MAD1L1: variants seen among roughly 807,000 people sequenced by gnomAD.
MAD1L1 encodes mitotic spindle assembly checkpoint protein MAD1.
Under a neutral mutation model 96.9 loss-of-function variants are expected in MAD1L1, and 95 were observed. The observed-to-expected ratio is 0.98, with a 90% CI of 0.83 to 1.16. MAD1L1 has a LOEUF of 1.16. Among genes scored for constraint, MAD1L1 ranks in the 50% most tolerant of loss-of-function variants. The pLI is 0.00. For synonymous variants in MAD1L1, 473 were observed against 396.6 expected, an observed-to-expected ratio of 1.19 and a Z score of -2.29; for missense variants, 1,007 against 954.4, an observed-to-expected ratio of 1.06 and a Z score of -0.73.
intron 11 of MAD1L1, among the ~76,000 whole-genome samples, chr7:2,138,794 G>A (rs964468613): frequency 2.0e-5 from 3 of 152,138 alleles, no homozygotes; most frequent in African/African-American, 4.8e-5. Context: ...AGAAAGGCTC[G>A]GGGGTCAAGT....
At chr7:2,231,600 C>A (rs1330461195) in intron 1 of MAD1L1, among the ~76,000 whole-genome samples, 1 of 151,876 alleles carries the variant, frequency 6.6e-6, no homozygotes, top group African/African-American at 2.4e-5. Flanking sequence ...GAGCAAGACT[C>A]CGTTTCAAAA....
intron 12 of MAD1L1, among the ~76,000 whole-genome samples, chr7:2,048,779 C>T (rs1479520830): frequency 6.6e-6 from 1 of 152,238 alleles, no homozygotes; most frequent in African/African-American, 2.4e-5. Context: ...CACACCCCTC[C>T]AGCTTCAGGT....
chr7:1,897,333 G>A (rs536714296), intron 18 of MAD1L1, among the ~76,000 whole-genome samples: 5 of 152,352 alleles, frequency 3.3e-5, no homozygotes, highest in African/African-American at 1.2e-4. Flanking sequence ...GACCACAGCA[G>A]TCCCAGGTGG....
At position 1,987,460 on chromosome 7, in the gene MAD1L1, A is replaced by C. The variant is rs535845469; in HGVS notation, c.1417-6919T>G. ...GGGTCTAAGTATCCCGGATGAAGCG[A>C]AGAGAGCCGCCCATGCTGAGCACAC... is the stretch of plus-strand genomic sequence containing the variant. On this transcript the variant is annotated intron_variant, in intron 14 of 18. Coordinates refer to ENST00000265854, the MANE Select transcript of MAD1L1 (RefSeq NM_001013836.2). 2.6e-5 allele frequency among the ~76,000 whole-genome samples: 4 copies of C among 152,288 alleles called. No individual in the cohort carries two copies. In the South Asian group the frequency reaches 8.3e-4, roughly 32 times the overall value.
At chr7:1,900,925 G>C (rs145129796) in intron 17 of MAD1L1, among the ~76,000 whole-genome samples, 1 of 152,148 alleles carries the variant, frequency 6.6e-6, no homozygotes, top group African/African-American at 2.4e-5. Context: ...GCAGTGTGTG[G>C]GGCCCCCTCT....
chr7:1,928,258 C>G (rs1286441940), intron 17 of MAD1L1, among the ~76,000 whole-genome samples: 1 of 150,672 alleles, frequency 6.6e-6, no homozygotes, highest in South Asian at 2.1e-4. Context: ...CCCCACCACC[C>G]GCCAGTCCCT....
chr7:1,885,685 G>A (rs1056179234), intron 18 of MAD1L1, among the ~76,000 whole-genome samples: 1 of 152,168 alleles, frequency 6.6e-6, no homozygotes, highest in African/African-American at 2.4e-5. Context: ...ACCCCAAGGT[G>A]CCCACTCACC....
chr7:2,102,503 A>T (rs922090195), intron 11 of MAD1L1, among the ~76,000 whole-genome samples: 6 of 136,144 alleles, frequency 4.4e-5, no homozygotes, highest in African/African-American at 1.7e-4. Flanking sequence ...GTCACCAATA[A>T]CCACCATCAC....
chr7:2,116,752 C>G (rs917834783), intron 11 of MAD1L1, among the ~76,000 whole-genome samples: 1 of 152,206 alleles, frequency 6.6e-6, no homozygotes, highest in South Asian at 2.1e-4. Context: ...GGGAGGAAGG[C>G]GTCTGGATGT....
At chr7:1,979,150 G>A (rs553458682) in intron 15 of MAD1L1, among the ~76,000 whole-genome samples, 5 of 152,216 alleles carry the variant, frequency 3.3e-5, no homozygotes, top group Non-Finnish European at 5.9e-5. Flanking sequence ...GGGTGTGACG[G>A]ACGAAGCAGA....
chr7:2,209,247 C>A (rs1055277634), intron 10 of MAD1L1, among the ~76,000 whole-genome samples: 1 of 152,186 alleles, frequency 6.6e-6, no homozygotes, highest in African/African-American at 2.4e-5. Flanking sequence ...ACATAAGAAG[C>A]CCTACATGGG....
intron 11 of MAD1L1, among the ~76,000 whole-genome samples, chr7:2,115,372 G>A (rs1787619547): frequency 6.6e-6 from 1 of 150,894 alleles, no homozygotes; most frequent in African/African-American, 2.4e-5. Context: ...GTCCCCGCGT[G>A]TTCCGGGGTC....
At chr7:2,148,802 C>T (rs1216760337) in intron 11 of MAD1L1, among the ~76,000 whole-genome samples, 2 of 152,168 alleles carry the variant, frequency 1.3e-5, no homozygotes, top group South Asian at 2.1e-4. Flanking sequence ...TAGTGACCGA[C>T]GGGCTGGTTC....
intron 18 of MAD1L1, among the ~76,000 whole-genome samples, chr7:1,841,725 G>C (rs1468348001): frequency 6.6e-6 from 1 of 152,262 alleles, no homozygotes; most frequent in African/African-American, 2.4e-5. Flanking sequence ...TCGCGGGGCA[G>C]ATGGTCTCGG....
intron 11 of MAD1L1, among the ~76,000 whole-genome samples, chr7:2,108,999 C>A (rs2128554953): frequency 6.6e-6 from 1 of 152,378 alleles, no homozygotes; most frequent in Admixed American, 6.5e-5. Context: ...GGGTTCCAGA[C>A]CCCCACCCGG....
intron 5 of MAD1L1, among the ~76,000 whole-genome samples, chr7:2,220,596 C>G (rs1291333876): frequency 6.6e-6 from 1 of 152,204 alleles, no homozygotes; most frequent in Admixed American, 6.5e-5. Flanking sequence ...GTGGGCCTGG[C>G]TGGGCGGCAC....
intron 11 of MAD1L1, among the ~76,000 whole-genome samples, chr7:2,073,965 G>A (rs17132138): frequency 2.2e-4 from 33 of 152,124 alleles, no homozygotes; most frequent in Admixed American, 1.3e-3. Context: ...GGCTGACACT[G>A]AAATCTTCTG....
chr7:1,887,986 TGCATGTGTGTATATGGCTGCCTGTAC>T (rs1786238808), intron 18 of MAD1L1, among the ~76,000 whole-genome samples: 2 of 96,512 alleles, frequency 2.1e-5, no homozygotes, highest in Non-Finnish European at 4.0e-5. Flanking sequence ...TGTGTGTGCA[TGCATGTGTGTATATGGCTGCCTGTAC>T]GTGTGTGTGC....
At chr7:1,819,670 T>C (rs1782022866) in intron 18 of MAD1L1, among the ~76,000 whole-genome samples, 2 of 152,230 alleles carry the variant, frequency 1.3e-5, no homozygotes, top group South Asian at 2.1e-4. Flanking sequence ...CCGAGCCCCA[T>C]GGTGTCCCAG....
Sources: allele counts gnomAD v4.1 joint callset (sites outside exome capture counted in the v4.1 genomes callset), GRCh38; gene constraint gnomAD v4.1.1; transcripts MANE v1.5; gene names NCBI Gene and HGNC (gene_info 2026-07-23, HGNC 2026-07-21).